Variants in TNPO1 observed in about 807,000 individuals in gnomAD.
TNPO1 encodes the protein transportin-1.
TNPO1 carries 8 observed loss-of-function variants against 119.5 expected under a neutral mutation model. That is an observed-to-expected ratio of 0.07 (90% CI 0.04 to 0.12). The LOEUF is 0.12. TNPO1 is among the 10% of genes least tolerant of loss of function. The pLI is 1.00. For missense variants in TNPO1, 576 were observed against 1,089.8 expected, an observed-to-expected ratio of 0.53 and a Z score of 6.64; for synonymous variants, 362 against 363.0, an observed-to-expected ratio of 1.00 and a Z score of 0.03.
In TNPO1 at chr5:72,849,374, C is replaced by A. The variant is rs1377683847; in HGVS notation, c.129+876C>A. On this transcript the variant is annotated intron_variant, in intron 2 of 24. Coordinates refer to ENST00000337273, the MANE Select transcript of TNPO1 (RefSeq NM_002270.4). ...ACATTCACTCTATATCATGAATAAC[C>A]TTTTAACCCCCGTTTTAAGCCTAAA... Among the ~76,000 whole-genome samples, 6 of 152,162 alleles carry A rather than the reference C, an allele frequency of 3.9e-5. No individual in the cohort carries two copies. The East Asian group carries it at 1.2e-3, about 29-fold the overall frequency.
At chr5:72,824,518 T>G (rs995658747) in intron 1 of TNPO1, among the ~76,000 whole-genome samples, 1 of 152,224 alleles carries the variant, frequency 6.6e-6, no homozygotes, top group South Asian at 2.1e-4. Context: ...ATGTGACCTG[T>G]CAGCAGCATT....
chr5:72,905,527 A>G lies in TNPO1; in HGVS notation c.*35+82A>G, dbSNP rs189140224. ...CATTTCAAACTACTAAATAGAATAA[A>G]AAGCTATTTGTTTTCTATAGAGGTT... On this transcript the variant is annotated intron_variant, in intron 24 of 24. Transcript: ENST00000337273. 9.7e-5 allele frequency: 61 copies of G among 626,842 alleles called. No individual in the cohort carries two copies. The Admixed American group carries it at 1.4e-3, about 14-fold the overall frequency. The allele number at this position is 626,842 out of a possible 1,614,324, so 38.8% of individuals were successfully genotyped here. A position where few individuals can be genotyped will look rare whatever the true frequency, so the allele number is the denominator to read the frequency against.
At chr5:72,842,403 C>G (rs368760562) in intron 1 of TNPO1, among the ~76,000 whole-genome samples, 10 of 152,146 alleles carry the variant, frequency 6.6e-5, no homozygotes, top group Non-Finnish European at 1.5e-4. Flanking sequence ...TTCTCTGTGC[C>G]TCAATGTACT....
intron 1 of TNPO1, among the ~76,000 whole-genome samples, chr5:72,846,288 A>G (rs921051082): frequency 6.6e-6 from 1 of 152,224 alleles, no homozygotes; most frequent in Admixed American, 6.5e-5. Flanking sequence ...GGTTGAACAA[A>G]TTATGCTCTA....
intron 23 of TNPO1, 59 bp downstream of exon 23, chr5:72,903,842 C>A: frequency 1.7e-6 from 2 of 1,166,240 alleles, no homozygotes; most frequent in Admixed American, 4.5e-5. Context: ...TAGTGGAAAA[C>A]TTTAAATTAT....
At chr5:72,882,993 T>C in intron 10 of TNPO1, 71 bp from the exon 11 acceptor site, 1 of 1,087,316 alleles carries the variant, frequency 9.2e-7, no homozygotes, top group Non-Finnish European at 1.4e-6. Flanking sequence ...GATATTCTGT[T>C]TCTCTTACTC....
At chr5:72,899,320 A>G (rs1420373176) in intron 20 of TNPO1, among the ~76,000 whole-genome samples, 2 of 152,314 alleles carry the variant, frequency 1.3e-5, no homozygotes, top group East Asian at 3.9e-4. Flanking sequence ...AGGTTTGACA[A>G]CATGAGATTT....
chr5:72,883,289 A>G (rs1427173057), intron 11 of TNPO1, 57 bp downstream of exon 11: 2 of 795,246 alleles, frequency 2.5e-6, no homozygotes, highest in Non-Finnish European at 4.4e-6. Flanking sequence ...TTATTGGGGT[A>G]TAATTCATCT....
chr5:72,847,061 G>C (rs558195519), intron 1 of TNPO1, among the ~76,000 whole-genome samples: 1 of 151,870 alleles, frequency 6.6e-6, no homozygotes, highest in South Asian at 2.1e-4. Context: ...TTTTGTTTAA[G>C]AACAGTTTAT....
At chr5:72,873,059 G>A (rs2112370397) in intron 7 of TNPO1, among the ~76,000 whole-genome samples, 1 of 152,140 alleles carries the variant, frequency 6.6e-6, no homozygotes, top group South Asian at 2.1e-4. Context: ...AGCTCATGCA[G>A]TTTTTGAAAT....
chr5:72,862,350 A>T (rs1278993625), intron 5 of TNPO1: 1 of 163,186 alleles, frequency 6.1e-6, no homozygotes, highest in African/African-American at 2.4e-5. Context: ...GTTTTTTGAG[A>T]CAGGGTCTCA....
chr5:72,820,609 A>G (rs908006504), intron 1 of TNPO1, among the ~76,000 whole-genome samples: 1 of 152,222 alleles, frequency 6.6e-6, no homozygotes, highest in Non-Finnish European at 1.5e-5. Context: ...AAGTGTAAAT[A>G]GGTAAGTACT....
intron 1 of TNPO1, among the ~76,000 whole-genome samples, chr5:72,847,298 A>C (rs575865701): frequency 4.7e-4 from 72 of 152,218 alleles, no homozygotes; most frequent in Non-Finnish European, 9.4e-4. Flanking sequence ...TTTTACAAAT[A>C]AGTCATGCTT....
At chr5:72,877,434 T>C (rs1747878661) in intron 9 of TNPO1, 88 bp downstream of exon 9, 1 of 709,324 alleles carries the variant, frequency 1.4e-6, no homozygotes, top group Non-Finnish European at 2.3e-6. Flanking sequence ...TTCATTCTTT[T>C]GCCATCAGGG....
intron 1 of TNPO1, among the ~76,000 whole-genome samples, chr5:72,826,660 A>G (rs1213172294): frequency 6.6e-6 from 1 of 152,244 alleles, no homozygotes; most frequent in African/African-American, 2.4e-5. Context: ...AGACCTATAT[A>G]TCACAATGAG....
At chr5:72,849,207 C>G (rs970894813) in intron 2 of TNPO1, among the ~76,000 whole-genome samples, 1 of 152,088 alleles carries the variant, frequency 6.6e-6, no homozygotes, top group African/African-American at 2.4e-5. Context: ...AGGTCTTTAC[C>G]GAGTGTGCTG....
At chr5:72,880,284 A>G (rs1265683260) in intron 9 of TNPO1, among the ~76,000 whole-genome samples, 3 of 152,038 alleles carry the variant, frequency 2.0e-5, no homozygotes, top group Admixed American at 6.5e-5. Flanking sequence ...TTTTTTAACT[A>G]GTACTATTTT....
chr5:72,862,600 T>G (rs944489874), intron 5 of TNPO1, among the ~76,000 whole-genome samples: 2 of 152,112 alleles, frequency 1.3e-5, no homozygotes, highest in African/African-American at 4.8e-5. Context: ...GTGCTGGGAT[T>G]ACAGGCATGA....
At chr5:72,857,289 G>A (rs913004385) in intron 4 of TNPO1, among the ~76,000 whole-genome samples, 29 of 151,408 alleles carry the variant, frequency 1.9e-4, no homozygotes, top group African/African-American at 7.1e-4. Context: ...TTGCACTGCA[G>A]CCTGGGTGAC....
Sources: allele counts gnomAD v4.1 joint callset (sites outside exome capture counted in the v4.1 genomes callset), GRCh38; gene constraint gnomAD v4.1.1; transcripts MANE v1.5; gene names NCBI Gene and HGNC (gene_info 2026-07-23, HGNC 2026-07-21).